The following KIAA1217 variants were observed in gnomAD, a reference collection of about 807,000 sequenced individuals.
The protein encoded by KIAA1217 is KIAA1217, also known as sickle tail protein homolog.
In KIAA1217, 88 loss-of-function variants were observed where a neutral mutation model predicts 163.9. That is an observed-to-expected ratio of 0.54 (90% CI 0.45 to 0.64). The LOEUF is 0.64. KIAA1217 is among the 30% of genes least tolerant of loss of function. The pLI, the probability that KIAA1217 is intolerant of heterozygous loss-of-function variation, is 0.00. For synonymous variants in KIAA1217, 903 were observed against 923.1 expected (o/e 0.98, Z 0.39); for missense variants, 2,372 against 2,475.0 (o/e 0.96, Z 0.88).
intron 2 of KIAA1217, among the ~76,000 whole-genome samples, chr10:24,095,146 C>T (rs1366842400): frequency 3.3e-5 from 5 of 152,200 alleles, no homozygotes; most frequent in Non-Finnish European, 7.3e-5. Flanking sequence ...TCACCCCTTT[C>T]CTTGACCAGG....
intron 17 of KIAA1217, among the ~76,000 whole-genome samples, chr10:24,539,607 T>C (rs955077100): frequency 6.6e-6 from 1 of 152,192 alleles, no homozygotes; most frequent in South Asian, 2.1e-4. Context: ...TTTATCTCAG[T>C]TGAGGATCCA....
intron 1 of KIAA1217, among the ~76,000 whole-genome samples, chr10:23,987,214 A>G (rs1846009015): frequency 1.3e-5 from 2 of 151,974 alleles, no homozygotes; most frequent in South Asian, 4.2e-4. Flanking sequence ...TGTCTCTACT[A>G]AAAATACAAA....
chr10:24,443,933 G>A (rs185616184), intron 5 of KIAA1217, among the ~76,000 whole-genome samples: 1 of 152,314 alleles, frequency 6.6e-6, no homozygotes, highest in Admixed American at 6.5e-5. Flanking sequence ...AAAGCTGGAT[G>A]ATGGGGGTAC....
At chr10:23,769,820 A>G (rs999448941) in intron 1 of KIAA1217, among the ~76,000 whole-genome samples, 1 of 152,178 alleles carries the variant, frequency 6.6e-6, no homozygotes, top group Non-Finnish European at 1.5e-5. Context: ...AGTAGGATTG[A>G]TTGCTACTAC....
chr10:24,440,291 C>T (rs1045466842), intron 5 of KIAA1217, among the ~76,000 whole-genome samples: 3 of 152,192 alleles, frequency 2.0e-5, no homozygotes, highest in African/African-American at 7.2e-5. Context: ...AATATTACAG[C>T]ACCATTTGCC....
At chr10:24,155,747 T>C (rs2064844715) in intron 2 of KIAA1217, among the ~76,000 whole-genome samples, 1 of 151,742 alleles carries the variant, frequency 6.6e-6, no homozygotes, top group South Asian at 2.1e-4. Context: ...TGCTTGAACA[T>C]GGGAGATGGA....
intron 1 of KIAA1217, among the ~76,000 whole-genome samples, chr10:23,957,894 A>G (rs1381347249): frequency 6.6e-6 from 1 of 152,230 alleles, no homozygotes; most frequent in Non-Finnish European, 1.5e-5. Context: ...AAACAAACCA[A>G]CAAATCTTCA....
intron 1 of KIAA1217, among the ~76,000 whole-genome samples, chr10:23,953,663 A>G (rs1378835512): frequency 6.6e-6 from 1 of 152,262 alleles, no homozygotes; most frequent in African/African-American, 2.4e-5. Context: ...AAATAAAAGT[A>G]ATAGTAGTTT....
At chr10:23,919,966 A>G (rs1286002089) in intron 1 of KIAA1217, among the ~76,000 whole-genome samples, 1 of 152,142 alleles carries the variant, frequency 6.6e-6, no homozygotes, top group Non-Finnish European at 1.5e-5. Flanking sequence ...CAATCCAGAA[A>G]GAGAGGGCTT....
At chr10:23,718,457 C>T (rs1447201571) in intron 1 of KIAA1217, among the ~76,000 whole-genome samples, 1 of 151,918 alleles carries the variant, frequency 6.6e-6, no homozygotes, top group Non-Finnish European at 1.5e-5. Flanking sequence ...TTGTTTTTTT[C>T]CATGTTTAAA....
At chr10:24,308,033 A>G (rs2042205395) in intron 2 of KIAA1217, among the ~76,000 whole-genome samples, 1 of 152,202 alleles carries the variant, frequency 6.6e-6, no homozygotes, top group African/African-American at 2.4e-5. Context: ...TAAAATTATA[A>G]AAGAAAAATA....
chr10:23,892,717 A>T (rs1053618427), intron 1 of KIAA1217, among the ~76,000 whole-genome samples: 1 of 151,970 alleles, frequency 6.6e-6, no homozygotes, highest in Non-Finnish European at 1.5e-5. Flanking sequence ...TTTATTCAAG[A>T]TTCACAAATT....
intron 2 of KIAA1217, among the ~76,000 whole-genome samples, chr10:24,076,598 A>G (rs2061374407): frequency 6.6e-6 from 1 of 152,156 alleles, no homozygotes; most frequent in Admixed American, 6.5e-5. Flanking sequence ...ATGATGAGGA[A>G]ACCACAGCTT....
intron 2 of KIAA1217, among the ~76,000 whole-genome samples, chr10:24,155,624 C>T (rs2064839355): frequency 6.6e-6 from 1 of 152,054 alleles, no homozygotes; most frequent in African/African-American, 2.4e-5. Flanking sequence ...AGTTCAAGAC[C>T]AGCCTGGCCA....
chr10:24,041,358 G>A (rs1848625101), intron 2 of KIAA1217, among the ~76,000 whole-genome samples: 1 of 152,198 alleles, frequency 6.6e-6, no homozygotes, highest in East Asian at 1.9e-4. Flanking sequence ...AATGTTTTCA[G>A]CCTTGAAAAA....
In KIAA1217 at chr10:24,089,073, G is replaced by C. The variant is rs1383462976; in HGVS notation, c.-171+81699G>C. On this transcript the variant is annotated intron_variant, in intron 2 of 18. Coordinates refer to the KIAA1217 transcript ENST00000376462. The stretch of plus-strand genomic sequence containing the variant: ...GTGATGAGCATTTTTTCATGTGTCT[G>C]TTGCCTGCATAAATGTCTTCTTTTG... Among the ~76,000 whole-genome samples, 2 of 125,372 alleles carry C rather than the reference G, an allele frequency of 1.6e-5. 1 individual carries two copies. The highest frequency in any genetic ancestry group is 3.9e-5 in the Non-Finnish European group (2 of 50,704). The allele number at this position is 125,372 out of a possible 152,430, so 82.2% of individuals were successfully genotyped here.
chr10:23,951,902 T>C (rs1263419027), intron 1 of KIAA1217, among the ~76,000 whole-genome samples: 2 of 152,214 alleles, frequency 1.3e-5, no homozygotes, highest in African/African-American at 4.8e-5. Context: ...TGTTTTTCTA[T>C]GTGGTATAGG....
chr10:24,445,633 T>C (rs1361924569), intron 5 of KIAA1217, among the ~76,000 whole-genome samples: 1 of 150,410 alleles, frequency 6.6e-6, no homozygotes, highest in South Asian at 2.1e-4. Flanking sequence ...ATGCGGTCTT[T>C]GGTTTTTTGT....
chr10:24,381,799 G>A (rs1250408799), intron 3 of KIAA1217, among the ~76,000 whole-genome samples: 1 of 152,162 alleles, frequency 6.6e-6, no homozygotes, highest in African/African-American at 2.4e-5. Flanking sequence ...CCAGTGGTGT[G>A]GGTTTCCACC....
Sources: allele counts gnomAD v4.1 joint callset (sites outside exome capture counted in the v4.1 genomes callset), GRCh38; gene constraint gnomAD v4.1.1; transcripts MANE v1.5; gene names NCBI Gene and HGNC (gene_info 2026-07-23, HGNC 2026-07-21).